MAD2L2: variants seen among roughly 807,000 people sequenced by gnomAD.
The protein encoded by MAD2L2 is mitotic arrest deficient 2 like 2, also known as mitotic spindle assembly checkpoint protein MAD2B.
Under a neutral mutation model 30.5 loss-of-function variants are expected in MAD2L2, and 17 were observed. The observed-to-expected ratio is 0.56, with a 90% CI of 0.38 to 0.84. The LOEUF (loss-of-function observed/expected upper bound fraction) is 0.84. Among genes scored for constraint, MAD2L2 ranks in the 40% least tolerant of loss-of-function variants. MAD2L2 has a pLI of 0.00. For synonymous variants in MAD2L2, 101 were observed against 113.9 expected (o/e 0.89, Z 0.72); for missense variants, 213 against 277.4 (o/e 0.77, Z 1.65).
At chr1:11,678,506 G>GA (rs1640811130) in intron 3 of MAD2L2, among the ~76,000 whole-genome samples, 1 of 152,200 alleles carries the variant, frequency 6.6e-6, no homozygotes, top group Non-Finnish European at 1.5e-5. Context: ...TCCAGAGTCT[G>GA]AAAAATCCCT....
chr1:11,691,648 C>T (rs1641070157), exon 1 of MAD2L2: 1 of 149,780 alleles, frequency 6.7e-6, no homozygotes, highest in African/African-American at 2.4e-5. Context: ...GCCGCCCCTC[C>T]TCTGTCCCCT....
intron 3 of MAD2L2, 81 bp from the exon 4 acceptor site, chr1:11,677,695 C>CA: frequency 1.3e-5 from 16 of 1,202,076 alleles, no homozygotes; most frequent in Non-Finnish European, 1.8e-5. Context: ...CCTAAGGCCC[C>CA]ATCTGCCTTC....
rs372146887 is a variant in MAD2L2, at chr1:11,678,983, G to A, written c.160-1369C>T. Among the ~76,000 whole-genome samples, 4 of 152,232 alleles carry A rather than the reference G, an allele frequency of 2.6e-5. 1 individual carries two copies. Among genetic ancestry groups the A allele is most frequent in the African/African-American group, 9.6e-5 (4 of 41,532 alleles). ...GATCGAGACCAGCCTGGCCAACACG[G>A]CGAAACCTTGTCTCTACTAAAAATA... On this transcript the variant is annotated intron_variant, in intron 3 of 8. Transcript: ENST00000376692.
chr1:11,686,254 TC>T (rs1640954029), intron 1 of MAD2L2, among the ~76,000 whole-genome samples: 2 of 152,178 alleles, frequency 1.3e-5, no homozygotes, highest in African/African-American at 4.8e-5. Context: ...TCCGCTCTCA[TC>T]TGCCTTCTGG....
In MAD2L2 at chr1:11,688,691, G is replaced by C. The variant is rs1309441293; in HGVS notation, c.-692+2722C>G. On this transcript the variant is annotated intron_variant, in intron 1 of 10. Coordinates refer to the MAD2L2 transcript ENST00000235310. This position sits in a 1 kb window ranked among gnomAD's most constrained non-coding sequence, Gnocchi z 4.6. ...GCCTTTGCAGGCTCACATTGTTAGAGGTGTCTGAACCAGAGCAACCCCATC... is the reference window on the plus strand; with the variant it reads ...GCCTTTGCAGGCTCACATTGTTAGACGTGTCTGAACCAGAGCAACCCCATC... Among the ~76,000 whole-genome samples, 2 of 152,178 alleles carry C rather than the reference G, an allele frequency of 1.3e-5. No individual in the cohort carries two copies. The highest frequency in any genetic ancestry group is 2.4e-5 in the African/African-American group (1 of 41,430).
intron 5 of MAD2L2, 129 bp downstream of exon 5, chr1:11,676,719 G>C (rs1640775308): frequency 1.4e-6 from 1 of 730,444 alleles, no homozygotes; most frequent in Admixed American, 2.2e-5. Context: ...CCCTTGTCAT[G>C]CTGGTGCTTC....
chr1:11,674,633 G>A lies in MAD2L2; in HGVS notation c.*142C>T, dbSNP rs1455209734. ...GGGGAGGCATCCTCCAAGCAGACCT[G>A]AGCGGCCCCGGGCTGGGGCGGGCGA... On this transcript the variant is annotated 3_prime_UTR_variant, in exon 9 of 9. Coordinates refer to ENST00000376692, the MANE Select transcript of MAD2L2 (RefSeq NM_006341.4). The surrounding 1 kb of genome is among the most constrained non-coding windows in gnomAD (Gnocchi z 6.1). 6 of 840,368 alleles carry A rather than the reference G, an allele frequency of 7.1e-6. No individual in the cohort carries two copies. Among genetic ancestry groups the A allele is most frequent in the East Asian group, 2.5e-5 (1 of 39,408 alleles). 52.1% of individuals were successfully genotyped at this position (840,368 alleles called of 1,614,324 possible).
intron 1 of MAD2L2, among the ~76,000 whole-genome samples, chr1:11,686,223 A>G (rs1328767099): frequency 6.6e-6 from 1 of 152,088 alleles, no homozygotes; most frequent in Non-Finnish European, 1.5e-5. Flanking sequence ...AAAGACAAGG[A>G]CTTCCTGCTG....
chr1:11,680,726 C>G (rs564974368), intron 1 of MAD2L2, 113 bp from the exon 2 acceptor site: 4 of 1,448,532 alleles, frequency 2.8e-6, no homozygotes, highest in South Asian at 1.5e-5. Context: ...GGAAGGACCT[C>G]CCGCTTCGCA....
intron 3 of MAD2L2, 97 bp from the exon 4 acceptor site, chr1:11,677,711 G>C (rs979615989): frequency 2.0e-6 from 2 of 982,032 alleles, no homozygotes; most frequent in Admixed American, 2.1e-5. Context: ...CCTTCGGTCC[G>C]AGGCCCAGCA....
At chr1:11,678,922 G>A (rs6698476) in intron 3 of MAD2L2, among the ~76,000 whole-genome samples, 24,100 of 152,236 alleles carry the variant, frequency 0.16, 2,427 homozygotes, top group Admixed American at 0.22. Context: ...CCAGCACTTT[G>A]GGAGGCCAAG....
Position 11,676,888 on chromosome 1 carries a change from AT to A in MAD2L2, c.291del (p.Lys97AsnfsTer32). 6.2e-7 allele frequency: 1 copy of A among 1,614,120 alleles called. No homozygotes were observed. Among genetic ancestry groups the A allele is most frequent in the Non-Finnish European group, 8.5e-7 (1 of 1,180,006 alleles). ...GGAGGCTGGGTGATCTCAAAGACGA[AT>A]TTCTCCACTGGGCGGTGCTCTTTAT... The part of the protein sequence containing the change: ...ILDKEHRPVE[K>X]FVFEITQPPL... On this transcript the variant is annotated frameshift_variant, in exon 5 of 9. Transcript: ENST00000376692. LOFTEE classifies it high-confidence loss of function.
chr1:11,679,894 T>A (rs112382978), intron 3 of MAD2L2, among the ~76,000 whole-genome samples: 12,561 of 145,096 alleles, frequency 0.087, 739 homozygotes, highest in African/African-American at 0.17. Flanking sequence ...TTCTGAGGGG[T>A]GGGTAGGCAT....
chr1:11,675,629 C>A (rs371168357), intron 7 of MAD2L2, 29 bp downstream of exon 7: 2 of 1,607,038 alleles, frequency 1.2e-6, no homozygotes, highest in Non-Finnish European at 1.7e-6. Flanking sequence ...CTAGAGCCTG[C>A]GCCCAGACCC....
rs151129425 is a variant in MAD2L2 at position 11,687,895 on chromosome 1, C to G, written c.-692+3518G>C. Among the ~76,000 whole-genome samples the G allele has an allele frequency of 1.3e-5, 2 of 152,234 alleles. No homozygotes were observed. The highest frequency in any genetic ancestry group is 4.8e-5 in the African/African-American group (2 of 41,542). ...TGATGAATATTGGAGCCTGCTTTGG[C>G]CCCTCAAGTACCTCATTTTACAGAC... On this transcript the variant is annotated intron_variant, in intron 1 of 10. Coordinates refer to the MAD2L2 transcript ENST00000235310. The surrounding 1 kb of genome is among the most constrained non-coding windows in gnomAD (Gnocchi z 4.1).
At position 11,677,719 on chromosome 1, in the gene MAD2L2, G is replaced by A. The variant is rs555043921; in HGVS notation, c.160-105C>T. ...CCATCTGCCTTCGGTCCGAGGCCCAGCAGCTCTCCAGGGCTCCCTACCCAG... is the reference window on the plus strand; with the variant it reads ...CCATCTGCCTTCGGTCCGAGGCCCAACAGCTCTCCAGGGCTCCCTACCCAG... On this transcript the variant is annotated intron_variant, in intron 3 of 8. Coordinates refer to ENST00000376692, the MANE Select transcript of MAD2L2 (RefSeq NM_006341.4). The A allele has an allele frequency of 1.1e-5, 10 of 900,732 alleles. No homozygotes were observed. The South Asian group carries it at 1.4e-4, about 13-fold the overall frequency. 55.8% of individuals were successfully genotyped at this position (900,732 alleles called of 1,614,324 possible).
At chr1:11,677,238 C>G (rs984034876) in intron 4 of MAD2L2, 1 of 597,730 alleles carries the variant, frequency 1.7e-6, no homozygotes, top group Non-Finnish European at 2.9e-6. Context: ...TCAGACAGAA[C>G]GTTTAGCGTG....
Position 11,688,602 on chromosome 1 carries a change from C to T in MAD2L2, c.-692+2811G>A, listed in dbSNP as rs1056880691. Among the ~76,000 whole-genome samples, 1 of 152,062 alleles carries T rather than the reference C, an allele frequency of 6.6e-6. No individual in the cohort carries two copies. The highest frequency in any genetic ancestry group is 2.4e-5 in the African/African-American group (1 of 41,426). On this transcript the variant is annotated intron_variant, in intron 1 of 10. Transcript: ENST00000235310. This position sits in a 1 kb window ranked among gnomAD's most constrained non-coding sequence, Gnocchi z 4.6. ...AAGCAATCAGCAAACCTGCTAAAAACCTAAGTCGGATCATGTCTCTGCTCT... is the reference window on the plus strand; with the variant it reads ...AAGCAATCAGCAAACCTGCTAAAAATCTAAGTCGGATCATGTCTCTGCTCT...
upstream of MAD2L2, among the ~76,000 whole-genome samples, chr1:11,683,725 A>T (rs996130333): frequency 6.6e-6 from 1 of 152,164 alleles, no homozygotes; most frequent in Non-Finnish European, 1.5e-5. Context: ...TAATCCCAGC[A>T]CTTTGGGAGG....
Sources: allele counts gnomAD v4.1 joint callset (sites outside exome capture counted in the v4.1 genomes callset), GRCh38; gene constraint gnomAD v4.1.1; non-coding constraint Gnocchi (gnomAD v3.1); transcripts MANE v1.5; gene names NCBI Gene and HGNC (gene_info 2026-07-23, HGNC 2026-07-21).